Variants in SELENOK observed in about 807,000 individuals in gnomAD.
SELENOK encodes the protein selenoprotein K.
In SELENOK, 11 loss-of-function variants were observed where a neutral mutation model predicts 17.3. That is an observed-to-expected ratio of 0.63 (90% confidence interval 0.40 to 1.05). The LOEUF (loss-of-function observed/expected upper bound fraction) is 1.05, where lower values mean the gene tolerates loss of function less well. Among genes scored for constraint, SELENOK ranks in the 50% least tolerant of loss-of-function variants. The probability of loss-of-function intolerance (pLI) is 0.00; values close to 1 mark genes in which losing one functional copy is unlikely to be tolerated. For synonymous variants in SELENOK, 45 were observed against 35.4 expected (o/e 1.27, Z -0.97); for missense variants, 125 against 113.9 (o/e 1.10, Z -0.44).
In SELENOK at chr3:53,891,806, C is replaced by T. The variant is rs753129451; in HGVS notation, c.-18G>A. ...TAAACCATCTTGTCCCACTTCCCCG[C>T]TTCGGAGCCACCGGGCGCCTGGCCC... On this transcript the variant is annotated 5_prime_UTR_variant, in exon 1 of 5. Coordinates refer to ENST00000495461, the MANE Select transcript of SELENOK (RefSeq NM_021237.5). The T allele has an allele frequency of 3.1e-6, 5 of 1,613,974 alleles. No homozygotes were observed. The highest frequency in any genetic ancestry group is 4.2e-6 in the Non-Finnish European group (5 of 1,179,816).
intron 1 of SELENOK, 105 bp downstream of exon 1, chr3:53,891,665 C>G: frequency 3.4e-6 from 5 of 1,474,996 alleles, no homozygotes; most frequent in African/African-American, 1.4e-5. Context: ...GCGCTAAGCC[C>G]GGGGAAGCCG....
intron 1 of SELENOK, among the ~76,000 whole-genome samples, chr3:53,890,602 C>T (rs1700160875): frequency 6.6e-6 from 1 of 152,178 alleles, no homozygotes; most frequent in Non-Finnish European, 1.5e-5. Context: ...ATAATTCATA[C>T]AGAAGCTTCC....
Position 53,885,854 on chromosome 3 carries a change from G to A in SELENOK, c.253C>T (p.Pro85Ser). Residue 85 changes from proline to serine, a missense_variant, in exon 4 of 5, where the codon CCC becomes TCC. By Grantham distance (74) the Pro-to-Ser change is moderately conservative. Coordinates refer to ENST00000495461, the MANE Select transcript of SELENOK (RefSeq NM_021237.5). ...GRINHLRGPS[P>S]PPMAGGUGR ...CCTCATCCACCAGCCATTGGAGGGG[G>A]ACTAGGGCCACGCAGATGATTGATT... The A allele has an allele frequency of 1.3e-6, 2 of 1,587,474 alleles. No homozygotes were observed. The highest frequency in any genetic ancestry group is 2.3e-5 in the East Asian group (1 of 44,322).
At position 53,885,932 on chromosome 3, in the gene SELENOK, G is replaced by A. The variant is rs1700122598; in HGVS notation, c.195-20C>T. The A allele has an allele frequency of 6.9e-7, 1 of 1,448,666 alleles. No homozygotes were observed. Among genetic ancestry groups the A allele is most frequent in the African/African-American group, 1.4e-5 (1 of 69,082 alleles). 89.7% of individuals were successfully genotyped at this position (1,448,666 alleles called of 1,614,324 possible). On this transcript the variant is annotated intron_variant, in intron 3 of 4. Coordinates refer to ENST00000495461, the MANE Select transcript of SELENOK (RefSeq NM_021237.5). ...GGTGGCCTAATAAAATAAAAAGTTA[G>A]TATCTACTGTTTGATAGACACAACT...
At chr3:53,891,066 G>A (rs1469188979) in intron 1 of SELENOK, 2 of 152,088 alleles carry the variant, frequency 1.3e-5, no homozygotes, top group Non-Finnish European at 2.9e-5. Flanking sequence ...TGCTCCTAGG[G>A]GAAGATAGTA....
chr3:53,888,195 A>G (rs1013501419), intron 2 of SELENOK, 198 bp downstream of exon 2: 10 of 509,306 alleles, frequency 2.0e-5, no homozygotes, highest in Middle Eastern at 5.2e-4. Flanking sequence ...TCCAACTAAC[A>G]TATACTCATA....
At chr3:53,891,672 G>A in intron 1 of SELENOK, 98 bp downstream of exon 1, 3 of 1,507,552 alleles carry the variant, frequency 2.0e-6, no homozygotes, top group South Asian at 2.3e-5. Flanking sequence ...GCCCGGGGAA[G>A]CCGCACCGGG....
rs764776672 is a variant in SELENOK, at chr3:53,886,941, C to T, written c.111-7G>A. The T allele has an allele frequency of 1.3e-6, 2 of 1,546,276 alleles. No homozygotes were observed. The highest frequency in any genetic ancestry group is 1.7e-6 in the Non-Finnish European group (2 of 1,144,530). On this transcript the variant is annotated splice_region_variant and splice_polypyrimidine_tract_variant and intron_variant, in intron 2 of 4. Coordinates refer to ENST00000495461, the MANE Select transcript of SELENOK (RefSeq NM_021237.5). Reference sequence around the variant, plus strand: ...CTGAAGCAGAGTTTTGAAACTGAAACAAGGGGCAGAAAACAACAAAGGTAT... The same window carrying T: ...CTGAAGCAGAGTTTTGAAACTGAAATAAGGGGCAGAAAACAACAAAGGTAT...
Position 53,885,835 on chromosome 3 carries a change from C to G in SELENOK, c.272G>C (p.Gly91Ala). 7.6e-6 allele frequency: 12 copies of G among 1,587,584 alleles called. No individual in the cohort carries two copies. The highest frequency in any genetic ancestry group is 1.0e-5 in the Non-Finnish European group (12 of 1,165,530). Reference protein sequence around the residue: ...RGPSPPPMAGGUGR With the variant: ...RGPSPPPMAGAUGR ...TCAGATCTGAAGTTACCTTCCTCATCCACCAGCCATTGGAGGGGGACTAGG... is the reference window on the plus strand; with the variant it reads ...TCAGATCTGAAGTTACCTTCCTCATGCACCAGCCATTGGAGGGGGACTAGG... The change falls in exon 4 of 5, where the codon GGA becomes GCA. Residue 91 changes from glycine (G) to alanine (A), a missense_variant. By Grantham distance (60) the Gly-to-Ala change is moderately conservative (BLOSUM62 0). Transcript: ENST00000495461.
intron 2 of SELENOK, among the ~76,000 whole-genome samples, chr3:53,887,743 T>G (rs1249669983): frequency 6.6e-6 from 1 of 152,024 alleles, no homozygotes; most frequent in Non-Finnish European, 1.5e-5. Flanking sequence ...GTAAACTCAA[T>G]GAAAAAAGGG....
chr3:53,885,549 A>G lies in SELENOK; in HGVS notation c.*9T>C, dbSNP rs1163048091. 1.2e-6 allele frequency: 2 copies of G among 1,610,252 alleles called. No homozygotes were observed. Among genetic ancestry groups the G allele is most frequent in the Non-Finnish European group, 1.7e-6 (2 of 1,178,514 alleles). Reference sequence around the variant, plus strand: ...GCATGTCCGGTTGTCTGCTTCTTAGAGCAGACATTTACCTGAAAGAAAATG... The same window carrying G: ...GCATGTCCGGTTGTCTGCTTCTTAGGGCAGACATTTACCTGAAAGAAAATG... On this transcript the variant is annotated 3_prime_UTR_variant, in exon 5 of 5. Coordinates refer to ENST00000495461, the MANE Select transcript of SELENOK (RefSeq NM_021237.5).
rs1294266892 is a variant in SELENOK at position 53,888,418 on chromosome 3, C to T, written c.85G>A (p.Gly29Arg). 3 of 1,612,426 alleles carry T rather than the reference C, an allele frequency of 1.9e-6. No individual in the cohort carries two copies. In the South Asian group the frequency reaches 3.3e-5, roughly 18 times the overall value. Residue 29 changes from glycine to arginine, a missense_variant, in exon 2 of 5, where the codon GGA becomes AGA. By Grantham distance (125) the Gly-to-Arg change is moderately radical. Coordinates refer to ENST00000495461, the MANE Select transcript of SELENOK (RefSeq NM_021237.5). Reference protein sequence around the residue: ...RLSLITDFFWGIAEFVVLFFK... With the variant: ...RLSLITDFFWRIAEFVVLFFK... Reference sequence around the variant, plus strand: ...AACAAAACCACAAACTCAGCTATTCCCCAGAAGAAATCTGTTATCAAAGAT... The same window carrying T: ...AACAAAACCACAAACTCAGCTATTCTCCAGAAGAAATCTGTTATCAAAGAT...
chr3:53,891,612 C>T (rs544499351), intron 1 of SELENOK, among the ~76,000 whole-genome samples, 158 bp downstream of exon 1: 43 of 152,318 alleles, frequency 2.8e-4, no homozygotes, highest in African/African-American at 9.4e-4. Context: ...GCTGACGCGC[C>T]GCAAGCCGAG....
chr3:53,889,480 T>C (rs984147197), intron 1 of SELENOK, among the ~76,000 whole-genome samples: 3 of 152,244 alleles, frequency 2.0e-5, no homozygotes, highest in Non-Finnish European at 4.4e-5. Flanking sequence ...CTTGTATGTA[T>C]ATACTACATT....
At chr3:53,889,623 G>C (rs946927746) in intron 1 of SELENOK, among the ~76,000 whole-genome samples, 1 of 152,150 alleles carries the variant, frequency 6.6e-6, no homozygotes, top group Non-Finnish European at 1.5e-5. Flanking sequence ...CAAATGGGAC[G>C]GGTGAATATA....
rs1700111699 is a variant in SELENOK, at chr3:53,884,762, T to C, written c.*796A>G. 6.6e-6 allele frequency: 1 copy of C among 152,308 alleles called. No homozygotes were observed. Among genetic ancestry groups the C allele is most frequent in the African/African-American group, 2.4e-5 (1 of 41,460 alleles). The allele number at this position is 152,308 out of a possible 1,614,324, so 9.4% of individuals were successfully genotyped here. On this transcript the variant is annotated 3_prime_UTR_variant, in exon 5 of 5. Coordinates refer to ENST00000495461, the MANE Select transcript of SELENOK (RefSeq NM_021237.5). The stretch of plus-strand genomic sequence containing the variant: ...TTGAAGCGATTCTCCTGCCTCCGCC[T>C]CCTGAGTAGCAGGGATTACAGGTGC...
At chr3:53,886,101 T>C (rs1700123953) in intron 3 of SELENOK, among the ~76,000 whole-genome samples, 189 bp from the exon 4 acceptor site, 1 of 152,176 alleles carries the variant, frequency 6.6e-6, no homozygotes, top group Admixed American at 6.5e-5. Context: ...AGACACATAA[T>C]GCACACAAGG....
At chr3:53,889,254 T>C (rs1273113423) in intron 1 of SELENOK, among the ~76,000 whole-genome samples, 1 of 152,150 alleles carries the variant, frequency 6.6e-6, no homozygotes, top group Admixed American at 6.5e-5. Context: ...TCTATACCCA[T>C]TAAACCCTGA....
Position 53,891,828 on chromosome 3 carries a change from G to A in SELENOK, c.-40C>T, listed in dbSNP as rs113417958. ...CCGCTTCGGAGCCACCGGGCGCCTG[G>A]CCCCTGTCGGTTTCTGTATCTCCCT... On this transcript the variant is annotated 5_prime_UTR_variant, in exon 1 of 5. Transcript: ENST00000495461. 995 of 1,612,828 alleles carry A rather than the reference G, an allele frequency of 6.2e-4. 8 individuals carry two copies. In the African/African-American group the frequency reaches 0.011, roughly 18 times the overall value.
Sources: allele counts gnomAD v4.1 joint callset (sites outside exome capture counted in the v4.1 genomes callset), GRCh38; gene constraint gnomAD v4.1.1; transcripts MANE v1.5; gene names NCBI Gene and HGNC (gene_info 2026-07-23, HGNC 2026-07-21).